GLG1: variants seen among roughly 807,000 people sequenced by gnomAD.
GLG1 encodes the protein Golgi apparatus protein 1.
GLG1 carries 38 observed loss-of-function variants against 160.5 expected under a neutral mutation model. The observed-to-expected ratio is 0.24, with a 90% confidence interval of 0.18 to 0.31. The LOEUF (loss-of-function observed/expected upper bound fraction) is 0.31. Ranked by LOEUF, GLG1 falls within the 10% of genes least tolerant of loss-of-function variation. GLG1 has a pLI of 1.00. For missense variants in GLG1, 1,373 were observed against 1,505.2 expected, an observed-to-expected ratio of 0.91 and a Z score of 1.45; for synonymous variants, 644 against 543.4, an observed-to-expected ratio of 1.19 and a Z score of -2.57.
rs374945149 is a variant in GLG1 at position 74,586,732 on chromosome 16, A to G, written c.438+19925T>C. ...TTTTTTTTTGAAATGTAGTCTCGCT[A>G]TTGTTGCCCAGGCTAGAGTGCAGTG... On this transcript the variant is annotated intron_variant, in intron 1 of 25. Transcript: ENST00000422840. Among the ~76,000 whole-genome samples, 194 of 150,388 alleles carry G rather than the reference A, an allele frequency of 1.3e-3. 2 individuals carry two copies. The highest frequency in any genetic ancestry group is 4.6e-3 in the African/African-American group (190 of 40,878).
chr16:74,524,858 C>A (rs1252119736), intron 2 of GLG1, among the ~76,000 whole-genome samples: 1 of 152,170 alleles, frequency 6.6e-6, no homozygotes, highest in Non-Finnish European at 1.5e-5. Flanking sequence ...TATTAGCAGT[C>A]ACCTACCATT....
chr16:74,529,904 C>A (rs184348955), intron 2 of GLG1, among the ~76,000 whole-genome samples: 1 of 150,024 alleles, frequency 6.7e-6, no homozygotes, highest in East Asian at 2.0e-4. Flanking sequence ...TTCTATCTCC[C>A]CGGTTCAAGC....
intron 2 of GLG1, among the ~76,000 whole-genome samples, chr16:74,512,425 A>G (rs1464792815): frequency 1.3e-5 from 2 of 151,828 alleles, no homozygotes; most frequent in Admixed American, 1.3e-4. Context: ...CACCACATCC[A>G]GCTACATTTT....
intron 1 of GLG1, among the ~76,000 whole-genome samples, chr16:74,546,791 T>A (rs2018058392): frequency 2.4e-5 from 3 of 122,680 alleles, no homozygotes. Flanking sequence ...TGAGCTGAGA[T>A]CATGCCACTG....
rs772689287 is a variant in GLG1, at chr16:74,453,179, G to C, written c.3528C>G (p.Leu1176=). ...GGTCAAGGTGGCTCTACCTGTCCTTGAGCTCTCGTGTCACTCGCTTGGTGA... is the reference window on the plus strand; with the variant it reads ...GGTCAAGGTGGCTCTACCTGTCCTTCAGCTCTCGTGTCACTCGCTTGGTGA... ...GRITKRVTRE[L]KDR is the part of the protein sequence containing the mutation. Residue 1176 remains leucine (L), a synonymous_variant, in exon 26 of 26, where the codon CTC becomes CTG. Transcript: ENST00000422840. 1 of 1,613,908 alleles carries C rather than the reference G, an allele frequency of 6.2e-7. No individual in the cohort carries two copies. Among genetic ancestry groups the C allele is most frequent in the African/African-American group, 1.3e-5 (1 of 74,932 alleles).
intron 15 of GLG1, among the ~76,000 whole-genome samples, chr16:74,470,888 G>A (rs2015184291): frequency 6.6e-6 from 1 of 152,162 alleles, no homozygotes; most frequent in Non-Finnish European, 1.5e-5. Flanking sequence ...CTTTGAAACA[G>A]CTGGGATTAC....
chr16:74,500,432 C>T (rs576217268), intron 4 of GLG1, among the ~76,000 whole-genome samples: 7 of 151,250 alleles, frequency 4.6e-5, no homozygotes, highest in African/African-American at 1.5e-4. Flanking sequence ...TTTTTCTTCC[C>T]CATATTCCGT....
intron 1 of GLG1, among the ~76,000 whole-genome samples, chr16:74,586,657 A>C (rs1476469281): frequency 6.6e-6 from 1 of 151,918 alleles, no homozygotes; most frequent in East Asian, 1.9e-4. Flanking sequence ...TTGTTTTAAT[A>C]AAGTCAGAAC....
intron 24 of GLG1, among the ~76,000 whole-genome samples, chr16:74,457,316 GA>G (rs1359025955): frequency 1.3e-5 from 2 of 152,156 alleles, no homozygotes; most frequent in Non-Finnish European, 2.9e-5. Context: ...AAAATCACTT[GA>G]ACCCAGGAGG....
intron 1 of GLG1, among the ~76,000 whole-genome samples, chr16:74,586,311 G>A (rs1958051757): frequency 6.6e-6 from 1 of 152,092 alleles, no homozygotes; most frequent in Admixed American, 6.6e-5. Flanking sequence ...GTTTTTTATG[G>A]AAGTTAGTTT....
At chr16:74,564,081 C>A (rs566278574) in intron 1 of GLG1, among the ~76,000 whole-genome samples, 3 of 152,142 alleles carry the variant, frequency 2.0e-5, no homozygotes, top group African/African-American at 7.2e-5. Flanking sequence ...CCACGAGGCC[C>A]GGCTAATTTT....
chr16:74,524,662 T>C (rs1253360404), intron 2 of GLG1, among the ~76,000 whole-genome samples: 1 of 152,144 alleles, frequency 6.6e-6, no homozygotes, highest in African/African-American at 2.4e-5. Flanking sequence ...AGGATATAAA[T>C]GACACAGTAC....
At chr16:74,512,029 G>C (rs962645743) in intron 2 of GLG1, among the ~76,000 whole-genome samples, 2 of 151,762 alleles carry the variant, frequency 1.3e-5, no homozygotes, top group African/African-American at 4.8e-5. Flanking sequence ...CACAAGGATG[G>C]GCAACAACCA....
intron 1 of GLG1, among the ~76,000 whole-genome samples, chr16:74,567,841 T>G (rs1052616127): frequency 6.6e-6 from 1 of 152,010 alleles, no homozygotes; most frequent in African/African-American, 2.4e-5. Flanking sequence ...GTGCTGGGAT[T>G]ACAGGCGTGA....
intron 1 of GLG1, among the ~76,000 whole-genome samples, chr16:74,604,042 G>A (rs1031973746): frequency 1.1e-4 from 17 of 151,072 alleles, no homozygotes; most frequent in African/African-American, 3.9e-4. Flanking sequence ...TCTAATCCCA[G>A]CACTTTGGAA....
intron 1 of GLG1, among the ~76,000 whole-genome samples, chr16:74,554,401 G>A (rs2018295893): frequency 1.3e-5 from 2 of 152,216 alleles, no homozygotes; most frequent in South Asian, 4.1e-4. Flanking sequence ...AGGCGCGGTG[G>A]TGGGCGCCTG....
At position 74,606,714 on chromosome 16, in the gene GLG1, A is replaced by G. The variant is rs766274747; in HGVS notation, c.381T>C (p.Pro127=). ...CCAGGTTGTTGCTCCAGGTGTGCTT[A>G]GGGCACACGCGGGTCACGTCCTCCC... The part of the protein sequence containing the change: ...SCREDVTRVC[P]KHTWSNNLAV... The change falls in exon 1 of 26, where the codon CCT becomes CCC. Residue 127 remains proline, a synonymous_variant. Transcript: ENST00000422840. 1.2e-6 allele frequency: 2 copies of G among 1,612,172 alleles called. No individual in the cohort carries two copies. The highest frequency in any genetic ancestry group is 2.2e-5 in the East Asian group (1 of 44,808).
Position 74,477,488 on chromosome 16 carries a change from G to A in GLG1, c.1873C>T (p.Arg625Cys), listed in dbSNP as rs1376818868. 1 of 1,611,964 alleles carries A rather than the reference G, an allele frequency of 6.2e-7. No homozygotes were observed. The highest frequency in any genetic ancestry group is 8.5e-7 in the Non-Finnish European group (1 of 1,178,042). Residue 625 changes from arginine (R) to cysteine (C), a missense_variant, in exon 12 of 26, where the codon CGT (arginine) becomes TGT (cysteine). By Grantham distance (180) the Arg-to-Cys change is radical. Coordinates refer to ENST00000422840, the MANE Select transcript of GLG1 (RefSeq NM_001145667.2). ...RAEVQRILHQRAMDVKLDPAL... is the reference protein window; with the variant it reads ...RAEVQRILHQCAMDVKLDPAL... ...GGATCCAGCTTGACATCCATGGCAC[G>A]CTGGTGTAGGATCCTTTGGACTTCA... is the stretch of plus-strand genomic sequence containing the variant.
chr16:74,542,999 A>G (rs1204565092), intron 1 of GLG1, among the ~76,000 whole-genome samples: 2 of 152,048 alleles, frequency 1.3e-5, no homozygotes, highest in Non-Finnish European at 1.5e-5. Context: ...GAAATTAAAT[A>G]TAATTTCTCA....
Sources: allele counts gnomAD v4.1 joint callset (sites outside exome capture counted in the v4.1 genomes callset), GRCh38; gene constraint gnomAD v4.1.1; transcripts MANE v1.5; gene names NCBI Gene and HGNC (gene_info 2026-07-23, HGNC 2026-07-21).